The following CRBN variants were observed in gnomAD, a reference collection of about 807,000 sequenced individuals.
CRBN encodes protein cereblon.
In CRBN, 53 loss-of-function variants were observed where a neutral mutation model predicts 62.2. That is an observed-to-expected ratio of 0.85 (90% CI 0.68 to 1.07). CRBN has a LOEUF of 1.07. Among genes scored for constraint, CRBN ranks in the 50% least tolerant of loss-of-function variants. The pLI is 0.00. For missense variants in CRBN, 616 were observed against 531.1 expected (o/e 1.16, Z -1.57); for synonymous variants, 208 against 176.1 (o/e 1.18, Z -1.43).
At chr3:3,159,019 T>C (rs1395097168) in intron 5 of CRBN, among the ~76,000 whole-genome samples, 1 of 152,172 alleles carries the variant, frequency 6.6e-6, no homozygotes, top group African/African-American at 2.4e-5. Flanking sequence ...CCCTTTTGCT[T>C]GGCACTTCTT....
chr3:3,170,327 G>A (rs1415727871), intron 4 of CRBN, among the ~76,000 whole-genome samples: 1 of 152,042 alleles, frequency 6.6e-6, no homozygotes, highest in African/African-American at 2.4e-5. Flanking sequence ...GGTAAAAGAT[G>A]GATATTTATA....
chr3:3,158,287 G>C (rs779827737), intron 5 of CRBN, among the ~76,000 whole-genome samples: 4 of 152,140 alleles, frequency 2.6e-5, no homozygotes, highest in Admixed American at 6.5e-5. Flanking sequence ...AAGAGGTGGC[G>C]CTCAGCTTCA....
rs150595840 is a variant in CRBN, at chr3:3,167,757, A to G, written c.564T>C (p.Cys188=). ...CTGCAGACATGGTTGAAGGCAACACACATTCGGGAAGAATTTGCACTTTAG... is the reference window on the plus strand; with the variant it reads ...CTGCAGACATGGTTGAAGGCAACACGCATTCGGGAAGAATTTGCACTTTAG... ...QQAKVQILPE[C]VLPSTMSAVQ... The change falls in exon 5 of 11, where the codon TGT becomes TGC. Residue 188 remains cysteine, a synonymous_variant. Coordinates refer to ENST00000231948, the MANE Select transcript of CRBN (RefSeq NM_016302.4). 7.1e-5 allele frequency: 114 copies of G among 1,613,646 alleles called. No individual in the cohort carries two copies. The African/African-American group carries it at 1.3e-3, about 18-fold the overall frequency.
chr3:3,154,809 TTGATTC>T lies in CRBN; in HGVS notation c.767_772del (p.Arg256_Ile257del). 1 of 1,602,544 alleles carries T rather than the reference TTGATTC, an allele frequency of 6.2e-7. No homozygotes were observed. Among genetic ancestry groups the T allele is most frequent in the Non-Finnish European group, 8.6e-7 (1 of 1,169,584 alleles). On this transcript the variant is annotated inframe_deletion, in exon 7 of 11. Coordinates refer to ENST00000231948, the MANE Select transcript of CRBN (RefSeq NM_016302.4). Reference sequence around the variant, plus strand: ...TTCATCCCATTCACGTAGCTGTTTCTTGATTCTGTCCATTAAGGTCTCCTTGTTTAA... The same window carrying T: ...TTCATCCCATTCACGTAGCTGTTTCTTGTCCATTAAGGTCTCCTTGTTTAA...
chr3:3,166,599 C>A (rs954499700), intron 5 of CRBN, among the ~76,000 whole-genome samples: 3 of 152,054 alleles, frequency 2.0e-5, no homozygotes, highest in African/African-American at 4.8e-5. Flanking sequence ...TTAGAATCTT[C>A]CTTAGAAACA....
chr3:3,172,535 C>CATTTTAAAAGATG (rs1259001798), intron 4 of CRBN: 8 of 541,202 alleles, frequency 1.5e-5, no homozygotes, highest in Non-Finnish European at 2.6e-5. Context: ...GATGCTGCAG[C>CATTTTAAAAGATG]CTCATCACTC....
At chr3:3,168,377 T>TA (rs1436075928) in intron 4 of CRBN, among the ~76,000 whole-genome samples, 5 of 152,150 alleles carry the variant, frequency 3.3e-5, no homozygotes, top group African/African-American at 1.2e-4. Flanking sequence ...AACTATAAAT[T>TA]AGATTTTTTC....
chr3:3,172,557 G>A lies in CRBN; in HGVS notation c.527+219C>T, dbSNP rs1033935486. 6 of 575,464 alleles carry A rather than the reference G, an allele frequency of 1.0e-5. 1 individual carries two copies. Among genetic ancestry groups the A allele is most frequent in the Non-Finnish European group, 1.8e-5 (6 of 324,628 alleles). The allele number at this position is 575,464 out of a possible 1,614,324, so 35.6% of individuals were successfully genotyped here. On this transcript the variant is annotated intron_variant, in intron 4 of 10. Transcript: ENST00000231948. The stretch of plus-strand genomic sequence containing the variant: ...CAGCCTCATCACTCTCTGGAGATGG[G>A]AGATGAGGTTGGAACTCAAGCTTCT...
Position 3,150,846 on chromosome 3 carries a change from TTATCTC to T in CRBN, c.*13_*18del, listed in dbSNP as rs774140838. 7.4e-6 allele frequency: 10 copies of T among 1,358,414 alleles called. No homozygotes were observed. The Admixed American group carries it at 1.1e-4, about 15-fold the overall frequency. 84.1% of individuals were successfully genotyped at this position (1,358,414 alleles called of 1,614,324 possible). A position where few individuals can be genotyped will look rare whatever the true frequency, so the allele number is the denominator to read the frequency against. ...AATATAACCAATTTGTTAGATAACTTTATCTCTATCACATCTGTTTACAAGCAAAGT... is the reference window on the plus strand; with the variant it reads ...AATATAACCAATTTGTTAGATAACTTTATCACATCTGTTTACAAGCAAAGT... On this transcript the variant is annotated 3_prime_UTR_variant, in exon 11 of 11. Transcript: ENST00000231948.
chr3:3,159,308 T>C (rs1053396254), intron 5 of CRBN, among the ~76,000 whole-genome samples: 1 of 152,184 alleles, frequency 6.6e-6, no homozygotes, highest in Middle Eastern at 3.2e-3. Context: ...GAAGAAGCTA[T>C]ATATTCTTAG....
At chr3:3,159,755 G>C (rs1286109111) in intron 5 of CRBN, among the ~76,000 whole-genome samples, 1 of 152,136 alleles carries the variant, frequency 6.6e-6, no homozygotes, top group Non-Finnish European at 1.5e-5. Flanking sequence ...ACATATACCA[G>C]AACAGATTAG....
chr3:3,162,034 CG>C (rs1559248722), intron 5 of CRBN, among the ~76,000 whole-genome samples: 1 of 152,170 alleles, frequency 6.6e-6, no homozygotes, highest in Non-Finnish European at 1.5e-5. Context: ...TGGGAGATTA[CG>C]TATGAGACCC....
Position 3,154,026 on chromosome 3 carries a change from T to C in CRBN, c.885A>G (p.Arg295=). The change falls in exon 8 of 11, where the codon AGA becomes AGG. Residue 295 remains arginine (R), a synonymous_variant. Coordinates refer to ENST00000231948, the MANE Select transcript of CRBN (RefSeq NM_016302.4). Reference sequence around the variant, plus strand: ...CACTGCCAATTTTAAGGAGCTGAATTCTCAATACATCATCAATAGGAAGAC... The same window carrying C: ...CACTGCCAATTTTAAGGAGCTGAATCCTCAATACATCATCAATAGGAAGAC... ...AACLPIDDVL[R]IQLLKIGSAI... is the part of the protein sequence containing the mutation. 6.2e-7 allele frequency: 1 copy of C among 1,613,684 alleles called. No individual in the cohort carries two copies. Among genetic ancestry groups the C allele is most frequent in the Non-Finnish European group, 8.5e-7 (1 of 1,179,632 alleles).
intron 5 of CRBN, among the ~76,000 whole-genome samples, chr3:3,161,924 A>G (rs1453328713): frequency 6.6e-6 from 1 of 152,252 alleles, no homozygotes; most frequent in Non-Finnish European, 1.5e-5. Flanking sequence ...AATCTCCTAT[A>G]AGATACACCG....
intron 5 of CRBN, among the ~76,000 whole-genome samples, chr3:3,164,127 ATTTC>A (rs1196853711): frequency 1.3e-5 from 2 of 152,172 alleles, no homozygotes; most frequent in Admixed American, 6.5e-5. Context: ...AGGCTTCCCT[ATTTC>A]TTTGAGACAC....
At position 3,153,948 on chromosome 3, in the gene CRBN, C is replaced by T; in HGVS notation, c.951+12G>A. ...AAAACATGGGCATCAAAAACATATTCACTTTACTCACTTTATTCATAATGT... is the reference window on the plus strand; with the variant it reads ...AAAACATGGGCATCAAAAACATATTTACTTTACTCACTTTATTCATAATGT... On this transcript the variant is annotated intron_variant, in intron 8 of 10. Coordinates refer to ENST00000231948, the MANE Select transcript of CRBN (RefSeq NM_016302.4). The T allele has an allele frequency of 2.0e-6, 3 of 1,508,416 alleles. No individual in the cohort carries two copies. Among genetic ancestry groups the T allele is most frequent in the Non-Finnish European group, 9.2e-7 (1 of 1,083,546 alleles). 93.4% of individuals were successfully genotyped at this position (1,508,416 alleles called of 1,614,324 possible). A position where few individuals can be genotyped will look rare whatever the true frequency, so the allele number is the denominator to read the frequency against.
At chr3:3,157,461 A>G (rs1706945501) in intron 5 of CRBN, among the ~76,000 whole-genome samples, 2 of 152,228 alleles carry the variant, frequency 1.3e-5, no homozygotes, top group African/African-American at 4.8e-5. Context: ...TTAACAGACC[A>G]GAACAAGAAA....
rs542744104 is a variant in CRBN at position 3,156,127 on chromosome 3, G to C, written c.750+92C>G. On this transcript the variant is annotated intron_variant, in intron 6 of 10. Coordinates refer to ENST00000231948, the MANE Select transcript of CRBN (RefSeq NM_016302.4). ...CGATATCTTAAGTTATAAGGCACTAGAAACTGGAAAAACTAAACCTTTGTT... is the reference window on the plus strand; with the variant it reads ...CGATATCTTAAGTTATAAGGCACTACAAACTGGAAAAACTAAACCTTTGTT... 228 of 1,096,818 alleles carry C rather than the reference G, an allele frequency of 2.1e-4. 3 individuals carry two copies. The highest frequency in any genetic ancestry group is 5.3e-5 in the Admixed American group (3 of 56,530). 67.9% of individuals were successfully genotyped at this position (1,096,818 alleles called of 1,614,324 possible).
At chr3:3,157,572 G>C (rs1371910105) in intron 5 of CRBN, among the ~76,000 whole-genome samples, 1 of 152,088 alleles carries the variant, frequency 6.6e-6, no homozygotes, top group Admixed American at 6.5e-5. Context: ...ACTTACCCTA[G>C]GTATGTTTCA....
Sources: gnomAD v4.1 joint callset for allele counts (sites outside exome capture counted in the v4.1 genomes callset) on GRCh38, gnomAD v4.1.1 for gene constraint, MANE v1.5 for transcripts, NCBI Gene and HGNC (gene_info 2026-07-23, HGNC 2026-07-21) for gene names.